The following GRID2 variants were observed in gnomAD, a reference collection of about 807,000 sequenced individuals.
GRID2 encodes the protein glutamate receptor ionotropic, delta-2.
In GRID2, 33 loss-of-function variants were observed where a neutral mutation model predicts 114.8. That is an observed-to-expected ratio of 0.29 (90% CI 0.22 to 0.38). The LOEUF is 0.38. Among genes scored for constraint, GRID2 ranks in the 10% least tolerant of loss-of-function variants. The pLI is 1.00. For synonymous variants in GRID2, 505 were observed against 449.9 expected, an observed-to-expected ratio of 1.12 and a Z score of -1.55; for missense variants, 1,184 against 1,257.7, an observed-to-expected ratio of 0.94 and a Z score of 0.89.
chr4:92,642,364 G>A (rs905147539), intron 2 of GRID2, among the ~76,000 whole-genome samples: 5 of 151,772 alleles, frequency 3.3e-5, no homozygotes, highest in African/African-American at 1.2e-4. Context: ...TCTCATTGTG[G>A]TTTTGATTGG....
chr4:92,512,714 T>C (rs961323378), intron 1 of GRID2, among the ~76,000 whole-genome samples: 31 of 151,978 alleles, frequency 2.0e-4, no homozygotes, highest in African/African-American at 6.7e-4. Flanking sequence ...TTTCAGAATC[T>C]ACCTTAATAG....
chr4:93,348,775 G>A (rs922333923), intron 8 of GRID2, among the ~76,000 whole-genome samples: 1 of 152,120 alleles, frequency 6.6e-6, no homozygotes, highest in African/African-American at 2.4e-5. Context: ...ACTACACGTA[G>A]AGGGAAAACA....
chr4:93,773,755 T>C lies in GRID2; in HGVS notation c.*1257T>C, dbSNP rs556944594. The C allele has an allele frequency of 1.6e-4, 25 of 152,224 alleles. No homozygotes were observed. The highest frequency in any genetic ancestry group is 5.9e-4 in the Admixed American group (9 of 15,286). 9.4% of individuals were successfully genotyped at this position (152,224 alleles called of 1,614,324 possible). A position where few individuals can be genotyped will look rare whatever the true frequency, so the allele number is the denominator to read the frequency against. ...GGCCTTAAATTACTGTCATTTATTA[T>C]CCTAAAGAAGAAAACATAATAACCA... is the stretch of plus-strand genomic sequence containing the variant. On this transcript the variant is annotated 3_prime_UTR_variant, in exon 16 of 16. Transcript: ENST00000282020.
chr4:93,545,961 G>A (rs1733173069), intron 13 of GRID2, among the ~76,000 whole-genome samples: 1 of 152,122 alleles, frequency 6.6e-6, no homozygotes, highest in South Asian at 2.1e-4. Context: ...TTTTAAAAAG[G>A]CAAGAAAGGA....
chr4:93,410,654 G>A (rs1391868827), intron 9 of GRID2, among the ~76,000 whole-genome samples: 1 of 152,182 alleles, frequency 6.6e-6, no homozygotes. Flanking sequence ...CATGATCTAG[G>A]CTCACTGCAA....
At chr4:92,417,485 A>G (rs577029532) in intron 1 of GRID2, among the ~76,000 whole-genome samples, 2 of 152,104 alleles carry the variant, frequency 1.3e-5, no homozygotes, top group Admixed American at 6.6e-5. Context: ...ATATAAAGCA[A>G]TTACCCCCTG....
chr4:93,127,724 A>G (rs1465910182), intron 4 of GRID2, among the ~76,000 whole-genome samples: 2 of 152,032 alleles, frequency 1.3e-5, no homozygotes, highest in Non-Finnish European at 2.9e-5. Flanking sequence ...TAGGCTGGGC[A>G]TGGTGGCTCA....
At chr4:93,803,001 C>A (rs769313215) in intron 1 of GRID2, among the ~76,000 whole-genome samples, 3 of 152,180 alleles carry the variant, frequency 2.0e-5, no homozygotes, top group Non-Finnish European at 2.9e-5. Flanking sequence ...AAGCTCTGCT[C>A]CAATGGCCTT....
intron 8 of GRID2, among the ~76,000 whole-genome samples, chr4:93,269,727 C>G (rs1751227087): frequency 6.6e-6 from 1 of 152,136 alleles, no homozygotes; most frequent in South Asian, 2.1e-4. Context: ...AAATTCACTG[C>G]AACTTAGAAC....
intron 2 of GRID2, among the ~76,000 whole-genome samples, chr4:92,671,026 C>T (rs1733035531): frequency 6.6e-6 from 1 of 152,072 alleles, no homozygotes; most frequent in Admixed American, 6.6e-5. Context: ...TTAGTCTGTT[C>T]TCACATTGCT....
chr4:92,808,674 A>G (rs1740529910), intron 2 of GRID2, among the ~76,000 whole-genome samples: 1 of 152,028 alleles, frequency 6.6e-6, no homozygotes, highest in South Asian at 2.1e-4. Flanking sequence ...GAAATAACTG[A>G]AGTATTGGGT....
chr4:92,371,829 G>A (rs1228425384), intron 1 of GRID2, among the ~76,000 whole-genome samples: 2 of 151,976 alleles, frequency 1.3e-5, no homozygotes, highest in Non-Finnish European at 1.5e-5. Context: ...AATAGACCTG[G>A]GCAAAGAAAG....
At chr4:92,500,202 C>T (rs566427854) in intron 1 of GRID2, among the ~76,000 whole-genome samples, 1 of 151,948 alleles carries the variant, frequency 6.6e-6, no homozygotes, top group African/African-American at 2.4e-5. Context: ...AACTTAGTGA[C>T]CCCTACCTAG....
chr4:92,745,509 C>T (rs1312530326), intron 2 of GRID2, among the ~76,000 whole-genome samples: 3 of 152,102 alleles, frequency 2.0e-5, no homozygotes, highest in African/African-American at 7.2e-5. Flanking sequence ...GACAGTTGTT[C>T]TACTCCTGAC....
chr4:92,572,607 G>A (rs77487998), intron 1 of GRID2, among the ~76,000 whole-genome samples: 2,183 of 152,018 alleles, frequency 0.014, 20 homozygotes, highest in Admixed American at 0.023. Flanking sequence ...GACATTTATT[G>A]ATTTGCATAT....
At chr4:93,236,899 T>C (rs1746863903) in intron 7 of GRID2, among the ~76,000 whole-genome samples, 1 of 152,174 alleles carries the variant, frequency 6.6e-6, no homozygotes, top group East Asian at 1.9e-4. Flanking sequence ...TAAAAATCCT[T>C]CAAAAATAAA....
chr4:93,597,670 C>G (rs1370520066), intron 13 of GRID2, among the ~76,000 whole-genome samples: 4 of 152,178 alleles, frequency 2.6e-5, no homozygotes, highest in African/African-American at 9.7e-5. Flanking sequence ...ACCCAGAAGT[C>G]CCAAGACACT....
At chr4:92,905,115 T>A (rs1747850358) in intron 2 of GRID2, among the ~76,000 whole-genome samples, 1 of 152,036 alleles carries the variant, frequency 6.6e-6, no homozygotes, top group South Asian at 2.1e-4. Context: ...TTTCCCTACT[T>A]AATTAAGAAA....
At chr4:93,256,223 T>A (rs1170524102) in intron 8 of GRID2, among the ~76,000 whole-genome samples, 1 of 152,080 alleles carries the variant, frequency 6.6e-6, no homozygotes, top group Non-Finnish European at 1.5e-5. Context: ...TTTCTTTTTT[T>A]GAATGGCAAC....
Sources: allele counts gnomAD v4.1 joint callset (sites outside exome capture counted in the v4.1 genomes callset), GRCh38; gene constraint gnomAD v4.1.1; transcripts MANE v1.5; gene names NCBI Gene and HGNC (gene_info 2026-07-23, HGNC 2026-07-21).